RTF1: variants seen among roughly 807,000 people sequenced by gnomAD.
RTF1 encodes the protein RTF1 homolog, Paf1/RNA polymerase II complex component.
Under a neutral mutation model 95.7 loss-of-function variants are expected in RTF1, and 10 were observed. That is an observed-to-expected ratio of 0.10 (90% CI 0.06 to 0.18). The LOEUF (loss-of-function observed/expected upper bound fraction) is 0.18. RTF1 is among the 10% of genes least tolerant of loss of function. RTF1 has a pLI of 1.00. For synonymous variants in RTF1, 305 were observed against 311.8 expected, an observed-to-expected ratio of 0.98 and a Z score of 0.23; for missense variants, 458 against 875.6, an observed-to-expected ratio of 0.52 and a Z score of 6.02.
intron 1 of RTF1, among the ~76,000 whole-genome samples, chr15:41,421,980 T>G (rs1383533428): frequency 6.6e-6 from 1 of 152,168 alleles, no homozygotes; most frequent in Non-Finnish European, 1.5e-5. Flanking sequence ...CCCAAAGTGC[T>G]GGAATTACAG....
At chr15:41,441,432 C>T (rs544205061) in intron 2 of RTF1, among the ~76,000 whole-genome samples, 6 of 152,158 alleles carry the variant, frequency 3.9e-5, no homozygotes, top group Non-Finnish European at 8.8e-5. Flanking sequence ...AAGATACAAG[C>T]AGTAAGTCTG....
At chr15:41,461,579 G>C (rs1022218848) in intron 4 of RTF1, among the ~76,000 whole-genome samples, 1 of 150,456 alleles carries the variant, frequency 6.6e-6, no homozygotes, top group African/African-American at 2.4e-5. Context: ...TGCAAGCTCC[G>C]CTTCCCGGGT....
chr15:41,447,254 T>G (rs2050768417), intron 2 of RTF1, among the ~76,000 whole-genome samples: 1 of 152,330 alleles, frequency 6.6e-6, no homozygotes, highest in Non-Finnish European at 1.5e-5. Context: ...ATTTGCTCTC[T>G]GAAATCTTGA....
chr15:41,480,119 A>C (rs1207190102), intron 16 of RTF1, 95 bp from the exon 17 acceptor site: 1 of 771,746 alleles, frequency 1.3e-6, no homozygotes, highest in South Asian at 1.6e-5. Flanking sequence ...AATCTAATGA[A>C]CTCAAATAAG....
intron 1 of RTF1, among the ~76,000 whole-genome samples, chr15:41,427,507 T>C (rs1365437090): frequency 6.6e-6 from 1 of 152,084 alleles, no homozygotes; most frequent in Non-Finnish European, 1.5e-5. Context: ...TGGTCCCAGC[T>C]ATTCATTCAA....
Position 41,464,891 on chromosome 15 carries a change from A to T in RTF1, c.777+6A>T. 6.6e-7 allele frequency: 1 copy of T among 1,524,536 alleles called. No individual in the cohort carries two copies. Among genetic ancestry groups the T allele is most frequent in the Non-Finnish European group, 8.8e-7 (1 of 1,140,330 alleles). The allele number at this position is 1,524,536 out of a possible 1,614,324, so 94.4% of individuals were successfully genotyped here. The stretch of plus-strand genomic sequence containing the variant: ...CACAGATTCAAGAATCTCAGGTAGG[A>T]GATTCAGTGTTCCTCATTGTCCAAA... On this transcript the variant is annotated splice_donor_region_variant and intron_variant, in intron 5 of 17. Transcript: ENST00000389629.
intron 1 of RTF1, among the ~76,000 whole-genome samples, chr15:41,429,705 T>A (rs1326445189): frequency 6.6e-6 from 1 of 152,156 alleles, no homozygotes; most frequent in Non-Finnish European, 1.5e-5. Flanking sequence ...CTTCAGGGCC[T>A]TAGCTGTTCC....
rs528816101 is a variant in RTF1 at position 41,438,374 on chromosome 15, G to A, written c.252G>A (p.Pro84=). 2.1e-5 allele frequency: 32 copies of A among 1,551,244 alleles called. No individual in the cohort carries two copies. The South Asian group carries it at 2.6e-4, about 13-fold the overall frequency. Residue 84 remains proline (P), a synonymous_variant, in exon 2 of 18, where the codon CCG becomes CCA. Transcript: ENST00000389629. ...RKRSDSEEKE[P]PVSQPAASSD... ...GCAGTGACTCTGAGGAGAAGGAGCC[G>A]CCTGTGAGTCAGCCTGCAGCCTCGT...
intron 10 of RTF1, 42 bp downstream of exon 10, chr15:41,475,654 G>T: frequency 6.2e-7 from 1 of 1,603,456 alleles, no homozygotes; most frequent in South Asian, 1.1e-5. Context: ...CGTGCACGTT[G>T]AGAAAATATC....
chr15:41,478,962 GC>G, intron 15 of RTF1, 140 bp from the exon 16 acceptor site: 7 of 298,452 alleles, frequency 2.3e-5, no homozygotes, highest in South Asian at 9.6e-5. Context: ...TTTTTTTTTT[GC>G]TGCTTTGAGG....
At chr15:41,434,941 C>A (rs1334434335) in intron 1 of RTF1, among the ~76,000 whole-genome samples, 2 of 149,600 alleles carry the variant, frequency 1.3e-5, no homozygotes, top group Non-Finnish European at 3.0e-5. Flanking sequence ...GTACTAATGT[C>A]TTACTTTAGT....
intron 3 of RTF1, among the ~76,000 whole-genome samples, chr15:41,456,058 T>A (rs1290431258): frequency 6.6e-6 from 1 of 151,700 alleles, no homozygotes; most frequent in Non-Finnish European, 1.5e-5. Flanking sequence ...ATAGAAAAAT[T>A]AGCCGGGCGT....
At chr15:41,475,060 A>G (rs533895477) in intron 9 of RTF1, among the ~76,000 whole-genome samples, 1 of 152,252 alleles carries the variant, frequency 6.6e-6, no homozygotes, top group East Asian at 1.9e-4. Context: ...GATCATTTTT[A>G]TGGACTTCAT....
At chr15:41,420,265 C>G (rs913861975) in intron 1 of RTF1, among the ~76,000 whole-genome samples, 31 of 152,152 alleles carry the variant, frequency 2.0e-4, no homozygotes, top group Non-Finnish European at 3.5e-4. Flanking sequence ...CAGATGGGAA[C>G]TAGATCAAAA....
chr15:41,479,067 CA>C, intron 15 of RTF1, 35 bp from the exon 16 acceptor site: 1 of 1,468,630 alleles, frequency 6.8e-7, no homozygotes, highest in Non-Finnish European at 9.5e-7. Context: ...CTGTGAGTGT[CA>C]AGCAATCTCT....
chr15:41,457,964 C>A, intron 4 of RTF1, 88 bp downstream of exon 4: 1 of 983,716 alleles, frequency 1.0e-6, no homozygotes, highest in Non-Finnish European at 1.5e-6. Context: ...TCACACCTGA[C>A]CTACACATGG....
intron 1 of RTF1, among the ~76,000 whole-genome samples, chr15:41,418,254 C>G (rs2050581960): frequency 6.6e-6 from 1 of 152,132 alleles, no homozygotes; most frequent in Non-Finnish European, 1.5e-5. Context: ...AAAGAATATG[C>G]AAGAGATAGT....
chr15:41,418,814 A>T (rs2050585364), intron 1 of RTF1, among the ~76,000 whole-genome samples: 2 of 151,756 alleles, frequency 1.3e-5, no homozygotes, highest in Admixed American at 1.3e-4. Context: ...AAAGAAAGAA[A>T]AAGAAAGTAT....
At chr15:41,423,310 C>G (rs374417245) in intron 1 of RTF1, among the ~76,000 whole-genome samples, 6 of 152,128 alleles carry the variant, frequency 3.9e-5, no homozygotes, top group Non-Finnish European at 8.8e-5. Context: ...TTGCATCTAG[C>G]TTGATGTAAT....
Sources: allele counts gnomAD v4.1 joint callset (sites outside exome capture counted in the v4.1 genomes callset), GRCh38; gene constraint gnomAD v4.1.1; transcripts MANE v1.5; gene names NCBI Gene and HGNC (gene_info 2026-07-23, HGNC 2026-07-21).